The following ZNF805 variants were observed in gnomAD, a reference collection of about 807,000 sequenced individuals.
ZNF805 encodes the protein CTC-444N24.8.
In ZNF805, 7 loss-of-function variants were observed where a neutral mutation model predicts 13.6. The ratio of observed to expected loss-of-function variants is 0.51; its 90% CI spans 0.29 to 0.97. ZNF805 has a LOEUF of 0.97. ZNF805 is among the 50% of genes least tolerant of loss of function. The probability of loss-of-function intolerance (pLI) is 0.08; values close to 1 mark genes in which losing one functional copy is unlikely to be tolerated. For synonymous variants in ZNF805, 293 were observed against 279.8 expected (o/e 1.05, Z -0.47); for missense variants, 604 against 771.0 (o/e 0.78, Z 2.57).
chr19:57,249,477 A>C (rs1471486929), intron 3 of ZNF805, among the ~76,000 whole-genome samples: 3 of 152,250 alleles, frequency 2.0e-5, no homozygotes, highest in Non-Finnish European at 4.4e-5. Context: ...CATGTGATAC[A>C]TTAATGCATA....
intron 2 of ZNF805, among the ~76,000 whole-genome samples, chr19:57,245,589 C>G (rs929513879): frequency 1.3e-5 from 2 of 149,048 alleles, no homozygotes; most frequent in Non-Finnish European, 3.0e-5. Flanking sequence ...ACCATCCTGG[C>G]TAACACGGTG....
chr19:57,257,555 G>A lies in ZNF805; in HGVS notation c.*2852G>A, dbSNP rs752537632. On this transcript the variant is annotated 3_prime_UTR_variant, in exon 4 of 4. Coordinates refer to ENST00000414468, the MANE Select transcript of ZNF805 (RefSeq NM_001023563.4). Reference sequence around the variant, plus strand: ...TTATCAATTTTTATCTGATATTTGTGTGGTCAGTCTTACGTTTTGGTTAAT... The same window carrying A: ...TTATCAATTTTTATCTGATATTTGTATGGTCAGTCTTACGTTTTGGTTAAT... Among the ~76,000 whole-genome samples the A allele has an allele frequency of 6.6e-5, 10 of 152,018 alleles. No homozygotes were observed. Among genetic ancestry groups the A allele is most frequent in the Admixed American group, 2.0e-4 (3 of 15,252 alleles).
intron 2 of ZNF805, among the ~76,000 whole-genome samples, chr19:57,247,307 A>G (rs899081886): frequency 2.6e-5 from 4 of 152,192 alleles, no homozygotes; most frequent in African/African-American, 9.7e-5. Context: ...CTGGTCCCTG[A>G]GGATGAATCC....
intron 3 of ZNF805, among the ~76,000 whole-genome samples, chr19:57,252,469 A>C (rs1351831762): frequency 6.6e-6 from 1 of 152,220 alleles, no homozygotes; most frequent in Non-Finnish European, 1.5e-5. Flanking sequence ...TGTGGGGCTG[A>C]AGGGGTTCCA....
chr19:57,258,694 G>A lies in ZNF805; in HGVS notation c.*3991G>A, dbSNP rs143341377. Among the ~76,000 whole-genome samples the A allele has an allele frequency of 6.3e-3, 960 of 152,202 alleles. 12 individuals carry two copies. Among genetic ancestry groups the A allele is most frequent in the Non-Finnish European group, 0.011 (769 of 68,008 alleles). The stretch of plus-strand genomic sequence containing the variant: ...ATTCCTCTTCAAAATTGAGCACCAT[G>A]TTGGAAAATGTAATTTTTGCTTCCA... On this transcript the variant is annotated 3_prime_UTR_variant, in exon 4 of 4. Coordinates refer to ENST00000414468, the MANE Select transcript of ZNF805 (RefSeq NM_001023563.4).
Position 57,254,653 on chromosome 19 carries a change from G to A in ZNF805, c.1834G>A (p.Ala612Thr). The change falls in exon 4 of 4, where the codon GCA becomes ACA. Residue 612 changes from alanine to threonine, a missense_variant. Transcript: ENST00000414468. ...NLLQEEASYMASDRTYQRETP... is the reference protein window; with the variant it reads ...NLLQEEASYMTSDRTYQRETP... ...TTTGCAAGAGGAAGCATCTTACATGGCATCTGATCGTACATACCAAAGAGA... is the reference window on the plus strand; with the variant it reads ...TTTGCAAGAGGAAGCATCTTACATGACATCTGATCGTACATACCAAAGAGA... 1 of 1,614,046 alleles carries A rather than the reference G, an allele frequency of 6.2e-7. No homozygotes were observed. The highest frequency in any genetic ancestry group is 8.5e-7 in the Non-Finnish European group (1 of 1,179,960).
rs1362410524 is a variant in ZNF805 at position 57,253,494 on chromosome 19, C to T, written c.675C>T (p.His225=). The change falls in exon 4 of 4, where the codon CAC becomes CAT. Residue 225 remains histidine, a synonymous_variant. Coordinates refer to ENST00000414468, the MANE Select transcript of ZNF805 (RefSeq NM_001023563.4). This position sits in a 1 kb window ranked among gnomAD's most constrained non-coding sequence, Gnocchi z 4.4. ...TGCTTGCTCGGCATGAGAGGATTCA[C>T]TCTGGAGTGAAGCCCTATGAATGCA... ...KRLLARHERI[H]SGVKPYECTE... 2.5e-6 allele frequency: 4 copies of T among 1,607,700 alleles called. No individual in the cohort carries two copies. The Admixed American group carries it at 6.8e-5, about 27-fold the overall frequency.
rs1221502727 is a variant in ZNF805 at position 57,261,842 on chromosome 19, A to T, written c.*7139A>T. On this transcript the variant is annotated 3_prime_UTR_variant, in exon 4 of 4. Coordinates refer to ENST00000414468, the MANE Select transcript of ZNF805 (RefSeq NM_001023563.4). ...CGAAAGAATCCAGAGCAAACTCAGC[A>T]AAAGGCTCAAACCCAAGTCCAGAGG... 2 of 167,078 alleles carry T rather than the reference A, an allele frequency of 1.2e-5. No homozygotes were observed. Among genetic ancestry groups the T allele is most frequent in the Non-Finnish European group, 2.9e-5 (2 of 68,120 alleles). 10.3% of individuals were successfully genotyped at this position (167,078 alleles called of 1,614,324 possible).
rs3028396 is a variant in ZNF805, at chr19:57,258,437, G to GTT, written c.*3746_*3747dup. On this transcript the variant is annotated 3_prime_UTR_variant, in exon 4 of 4. Coordinates refer to ENST00000414468, the MANE Select transcript of ZNF805 (RefSeq NM_001023563.4). ...GTTGCTTCTTTCTTGGTTTGTTTGG[G>GTT]TTTTTTTTTTTTTGTCTTTAACATT... 0.2 allele frequency among the ~76,000 whole-genome samples: 26,036 copies of GTT among 129,780 alleles called. 3,067 individuals carry two copies. The highest frequency in any genetic ancestry group is 0.29 in the African/African-American group (10,176 of 34,608). The allele number at this position is 129,780 out of a possible 152,430, so 85.1% of individuals were successfully genotyped here.
intron 1 of ZNF805, 80 bp from the exon 2 acceptor site, chr19:57,243,842 CT>C: frequency 6.2e-6 from 10 of 1,601,858 alleles, no homozygotes; most frequent in Non-Finnish European, 6.0e-6. Flanking sequence ...TGACTTGGGC[CT>C]TGATCTTGTT....
rs1376595654 is a variant in ZNF805 at position 57,258,627 on chromosome 19, T to TTCCAA, written c.*3925_*3926insCCAAT. On this transcript the variant is annotated 3_prime_UTR_variant, in exon 4 of 4. Transcript: ENST00000414468. ...GCACTTTGATGTATAGAAACCTTAC[T>TTCCAA]TGGTCCCTTCACCTTGCCTGTTAAT... is the stretch of plus-strand genomic sequence containing the variant. Among the ~76,000 whole-genome samples, 1 of 50,010 alleles carries TTCCAA rather than the reference T, an allele frequency of 2.0e-5. No homozygotes were observed. 32.8% of individuals were successfully genotyped at this position (50,010 alleles called of 152,430 possible).
At chr19:57,241,688 C>T (rs970523181) in intron 1 of ZNF805, among the ~76,000 whole-genome samples, 1 of 95,148 alleles carries the variant, frequency 1.1e-5, no homozygotes, top group East Asian at 2.6e-4. Flanking sequence ...TCCTTCCTTT[C>T]CTCCCTGGCT....
chr19:57,259,276 G>A lies in ZNF805; in HGVS notation c.*4573G>A, dbSNP rs914842478. Reference sequence around the variant, plus strand: ...CTACTCTTTCTCCTCTCTGTGATATGAATGGTAGAGCTTTTGTTACTGTCT... The same window carrying A: ...CTACTCTTTCTCCTCTCTGTGATATAAATGGTAGAGCTTTTGTTACTGTCT... On this transcript the variant is annotated 3_prime_UTR_variant, in exon 4 of 4. Coordinates refer to ENST00000414468, the MANE Select transcript of ZNF805 (RefSeq NM_001023563.4). 2.0e-5 allele frequency among the ~76,000 whole-genome samples: 3 copies of A among 151,988 alleles called. No individual in the cohort carries two copies. The highest frequency in any genetic ancestry group is 7.3e-5 in the African/African-American group (3 of 41,368).
chr19:57,246,848 G>C (rs2087622350), intron 2 of ZNF805, among the ~76,000 whole-genome samples: 1 of 151,758 alleles, frequency 6.6e-6, no homozygotes, highest in Non-Finnish European at 1.5e-5. Context: ...TCTCAGGCCT[G>C]TTCCAGGCAG....
intron 3 of ZNF805, among the ~76,000 whole-genome samples, chr19:57,252,375 G>A (rs1485541384): frequency 6.6e-6 from 1 of 152,144 alleles, no homozygotes; most frequent in African/African-American, 2.4e-5. Context: ...TTGCTAAAAA[G>A]ACTCACAACA....
rs377016256 is a variant in ZNF805 at position 57,254,667 on chromosome 19, A to T, written c.1848A>T (p.Thr616=). 8 of 1,613,588 alleles carry T rather than the reference A, an allele frequency of 5.0e-6. No individual in the cohort carries two copies. The highest frequency in any genetic ancestry group is 5.9e-6 in the Non-Finnish European group (7 of 1,179,824). The change falls in exon 4 of 4, where the codon ACA becomes ACT. Residue 616 remains threonine (T), a synonymous_variant. Coordinates refer to ENST00000414468, the MANE Select transcript of ZNF805 (RefSeq NM_001023563.4). ...EEASYMASDR[T]YQRETPQVSS... ...CATCTTACATGGCATCTGATCGTAC[A>T]TACCAAAGAGAAACCCCACAAGTGT...
Position 57,254,953 on chromosome 19 carries a change from G to A in ZNF805, c.*250G>A. 2.2e-6 allele frequency: 1 copy of A among 451,762 alleles called. No homozygotes were observed. Among genetic ancestry groups the A allele is most frequent in the Non-Finnish European group, 4.1e-6 (1 of 246,568 alleles). The allele number at this position is 451,762 out of a possible 1,614,324, so 28.0% of individuals were successfully genotyped here. ...ATGCAGACACTGCTTTTATACTGTT[G>A]TCTTGTATGTACATTTCTGTCCTGT... On this transcript the variant is annotated 3_prime_UTR_variant, in exon 4 of 4. Transcript: ENST00000414468.
intron 1 of ZNF805, among the ~76,000 whole-genome samples, chr19:57,241,866 C>A (rs2087582053): frequency 6.6e-6 from 1 of 152,188 alleles, no homozygotes; most frequent in Non-Finnish European, 1.5e-5. Context: ...CCTTTCATGG[C>A]AGTTCAGACT....
At chr19:57,244,646 C>T (rs1307817063) in intron 2 of ZNF805, among the ~76,000 whole-genome samples, 1 of 152,140 alleles carries the variant, frequency 6.6e-6, no homozygotes, top group Non-Finnish European at 1.5e-5. Flanking sequence ...GTAGGATTGC[C>T]AGCTGTATGT....
Sources: gnomAD v4.1 joint callset for allele counts (sites outside exome capture counted in the v4.1 genomes callset) on GRCh38, gnomAD v4.1.1 for gene constraint, Gnocchi (gnomAD v3.1) non-coding constraint, MANE v1.5 for transcripts, NCBI Gene and HGNC (gene_info 2026-07-23, HGNC 2026-07-21) for gene names.